KLHL32: variants seen among roughly 807,000 people sequenced by gnomAD.
KLHL32 encodes kelch-like protein 32.
Under a neutral mutation model 64.8 loss-of-function variants are expected in KLHL32, and 35 were observed. The ratio of observed to expected loss-of-function variants is 0.54; its 90% CI spans 0.41 to 0.72. KLHL32 has a LOEUF of 0.72. KLHL32 is among the 30% of genes least tolerant of loss of function. The probability of loss-of-function intolerance (pLI) is 0.00; values close to 1 mark genes in which losing one functional copy is unlikely to be tolerated. For synonymous variants in KLHL32, 259 were observed against 281.0 expected, an observed-to-expected ratio of 0.92 and a Z score of 0.78; for missense variants, 589 against 768.5, an observed-to-expected ratio of 0.77 and a Z score of 2.76.
chr6:96,910,906 C>T, the KLHL32 span, among the ~76,000 whole-genome samples: 1 of 152,054 alleles, frequency 6.6e-6, no homozygotes, highest in Non-Finnish European at 1.5e-5. Flanking sequence ...ATTTTAAATA[C>T]CATTATTTAC....
chr6:96,910,577 C>G, the KLHL32 span, among the ~76,000 whole-genome samples: 11 of 152,242 alleles, frequency 7.2e-5, no homozygotes, highest in Admixed American at 2.6e-4. Flanking sequence ...TTTAATTGTA[C>G]TTAATTTGCA....
chr6:96,963,238 A>G (rs13192767), intron 1 of KLHL32, among the ~76,000 whole-genome samples: 30,167 of 152,106 alleles, frequency 0.2, 3,232 homozygotes, highest in African/African-American at 0.27. Context: ...AGGATTATCA[A>G]AGGAAAAGGG....
chr6:97,073,764 G>A (rs889688332), intron 5 of KLHL32, among the ~76,000 whole-genome samples: 23 of 152,078 alleles, frequency 1.5e-4, no homozygotes, highest in Non-Finnish European at 3.4e-4. Flanking sequence ...TTCCTTACTG[G>A]GAGAATGCTA....
intron 3 of KLHL32, chr6:96,994,365 T>C (rs1450080634): frequency 7.9e-6 from 3 of 381,412 alleles, no homozygotes; most frequent in East Asian, 1.7e-4. Flanking sequence ...TATAGTTCCA[T>C]TTATATTTCA....
At chr6:97,129,857 T>C (rs1799251264) in intron 8 of KLHL32, among the ~76,000 whole-genome samples, 1 of 152,200 alleles carries the variant, frequency 6.6e-6, no homozygotes, top group Non-Finnish European at 1.5e-5. Flanking sequence ...CACTCCAGCC[T>C]GGGCAACAGA....
At chr6:96,965,357 G>A (rs1426439009) in intron 1 of KLHL32, among the ~76,000 whole-genome samples, 1 of 152,120 alleles carries the variant, frequency 6.6e-6, no homozygotes, top group African/African-American at 2.4e-5. Context: ...ACCTGATTTA[G>A]TGAGTTGGTC....
At chr6:97,073,779 T>C (rs1043347785) in intron 5 of KLHL32, among the ~76,000 whole-genome samples, 10 of 152,202 alleles carry the variant, frequency 6.6e-5, no homozygotes, top group East Asian at 3.9e-4. Flanking sequence ...ATGCTATCCA[T>C]GTGTCTCATT....
chr6:96,978,037 T>C (rs1775904351), intron 3 of KLHL32, among the ~76,000 whole-genome samples: 1 of 152,188 alleles, frequency 6.6e-6, no homozygotes, highest in Non-Finnish European at 1.5e-5. Context: ...TCAGATTGTA[T>C]GCAGATTATG....
At chr6:96,971,854 T>A (rs529227698) in intron 2 of KLHL32, among the ~76,000 whole-genome samples, 211 of 151,974 alleles carry the variant, frequency 1.4e-3, no homozygotes, top group Middle Eastern at 3.4e-3. Flanking sequence ...TAAAAAAAAA[T>A]TTTTTTTCTG....
intron 5 of KLHL32, among the ~76,000 whole-genome samples, chr6:97,068,588 A>G (rs1790185835): frequency 6.6e-6 from 1 of 152,232 alleles, no homozygotes; most frequent in Non-Finnish European, 1.5e-5. Context: ...AAATAATAGG[A>G]AACTGTTAAT....
At position 97,104,525 on chromosome 6, in the gene KLHL32, A is replaced by T. The variant is rs191498795; in HGVS notation, c.628-9258A>T. The stretch of plus-strand genomic sequence containing the variant: ...TATTATTATCATCTGTGATAAGCTG[A>T]ATATTGTTTTAAAAATCTGTCAGGT... On this transcript the variant is annotated intron_variant, in intron 6 of 10. Coordinates refer to ENST00000369261, the MANE Select transcript of KLHL32 (RefSeq NM_052904.4). 4.6e-3 allele frequency among the ~76,000 whole-genome samples: 703 copies of T among 152,334 alleles called. 8 individuals are homozygous for T. The highest frequency in any genetic ancestry group is 4.9e-3 in the Non-Finnish European group (335 of 68,032).
At chr6:96,939,473 C>A (rs7770996) in intron 1 of KLHL32, among the ~76,000 whole-genome samples, 27,764 of 152,048 alleles carry the variant, frequency 0.18, 2,811 homozygotes, top group Non-Finnish European at 0.23. Flanking sequence ...AGGAGAGGTT[C>A]ATGGCATTGT....
chr6:97,118,619 C>CAAAAAAAAAAAA (rs376156341), intron 7 of KLHL32, among the ~76,000 whole-genome samples: 13 of 101,250 alleles, frequency 1.3e-4, no homozygotes, highest in African/African-American at 2.8e-4. Context: ...AACTGCATCT[C>CAAAAAAAAAAAA]AAAAAAAAAA....
chr6:97,088,988 G>C (rs1159116973), intron 6 of KLHL32, among the ~76,000 whole-genome samples: 4 of 152,284 alleles, frequency 2.6e-5, no homozygotes, highest in African/African-American at 9.6e-5. Flanking sequence ...AGCCTATATA[G>C]AAAAATATAA....
intron 3 of KLHL32, among the ~76,000 whole-genome samples, chr6:96,997,188 C>T (rs1778504169): frequency 6.6e-6 from 1 of 152,098 alleles, no homozygotes; most frequent in South Asian, 2.1e-4. Flanking sequence ...ATGAGGAAGG[C>T]TATGTGTATG....
At chr6:96,936,677 TCTC>T (rs1370863648) in intron 1 of KLHL32, among the ~76,000 whole-genome samples, 4 of 152,186 alleles carry the variant, frequency 2.6e-5, no homozygotes, top group African/African-American at 9.7e-5. Flanking sequence ...TATAGACTCT[TCTC>T]CACACAGCAG....
chr6:97,049,278 T>C (rs1014276243), intron 4 of KLHL32, among the ~76,000 whole-genome samples: 2 of 152,326 alleles, frequency 1.3e-5, no homozygotes, highest in South Asian at 4.1e-4. Flanking sequence ...CTCTTGTACC[T>C]TGGGGCCATT....
At chr6:97,130,987 TTCAAGAAG>T (rs1456236177) in intron 9 of KLHL32, 38 bp downstream of exon 9, 1 of 1,577,424 alleles carries the variant, frequency 6.3e-7, no homozygotes, top group African/African-American at 1.4e-5. Context: ...GAAAAGTAGA[TTCAAGAAG>T]TCACCAAACT....
chr6:97,024,168 C>A (rs1782395505), intron 3 of KLHL32, among the ~76,000 whole-genome samples: 1 of 152,190 alleles, frequency 6.6e-6, no homozygotes, highest in Admixed American at 6.5e-5. Context: ...TTAATAGCGG[C>A]CTTGACATTC....
Sources: gnomAD v4.1 joint callset for allele counts (sites outside exome capture counted in the v4.1 genomes callset) on GRCh38, gnomAD v4.1.1 for gene constraint, MANE v1.5 for transcripts, NCBI Gene and HGNC (gene_info 2026-07-23, HGNC 2026-07-21) for gene names.